The following ZFHX3 variants were observed in gnomAD, a reference collection of about 807,000 sequenced individuals.
ZFHX3 encodes zinc finger homeobox protein 3.
A neutral mutation model predicts 279.1 loss-of-function variants in ZFHX3; 42 were observed. The ratio of observed to expected loss-of-function variants is 0.15; its 90% confidence interval spans 0.12 to 0.19. The LOEUF (loss-of-function observed/expected upper bound fraction) is 0.19, where lower values mean the gene tolerates loss of function less well. ZFHX3 is among the 10% of genes least tolerant of loss of function. The pLI, the probability that ZFHX3 is intolerant of heterozygous loss-of-function variation, is 1.00. For missense variants in ZFHX3, 4,981 were observed against 4,754.0 expected, an observed-to-expected ratio of 1.05 and a Z score of -1.40; for synonymous variants, 2,293 against 1,957.8, an observed-to-expected ratio of 1.17 and a Z score of -4.52.
intron 3 of ZFHX3, among the ~76,000 whole-genome samples, chr16:72,918,559 C>T (rs2039501340): frequency 6.6e-6 from 1 of 152,040 alleles, no homozygotes; most frequent in Admixed American, 6.6e-5. Flanking sequence ...GTATCTCTAC[C>T]CCTGCAGGTA....
intron 7 of ZFHX3, among the ~76,000 whole-genome samples, chr16:72,801,132 C>T (rs772606863): frequency 6.6e-5 from 10 of 152,056 alleles, no homozygotes; most frequent in African/African-American, 1.4e-4. Context: ...GGGTAGGTGG[C>T]GATGATATTT....
intron 2 of ZFHX3, among the ~76,000 whole-genome samples, chr16:73,478,185 G>T (rs2018796373): frequency 6.8e-6 from 1 of 147,758 alleles, no homozygotes; most frequent in African/African-American, 2.5e-5. Context: ...AGAATGGCTT[G>T]AATCCAGGAG....
chr16:73,238,397 AC>A (rs1279019742), intron 5 of ZFHX3, among the ~76,000 whole-genome samples: 1 of 151,954 alleles, frequency 6.6e-6, no homozygotes, highest in Non-Finnish European at 1.5e-5. Context: ...AATTCAGGGC[AC>A]CCCAAATCAT....
intron 2 of ZFHX3, among the ~76,000 whole-genome samples, chr16:73,612,356 A>ATTT (rs2052256017): frequency 3.3e-5 from 5 of 152,220 alleles, no homozygotes; most frequent in Admixed American, 2.0e-4. Context: ...AACCCTTGAA[A>ATTT]AAAGGGTTTA....
intron 3 of ZFHX3, among the ~76,000 whole-genome samples, chr16:73,451,009 T>A (rs1284957563): frequency 6.6e-6 from 1 of 152,212 alleles, no homozygotes; most frequent in Non-Finnish European, 1.5e-5. Context: ...GACGGATCTT[T>A]AATACAGAAG....
At chr16:73,535,078 G>A (rs8048996) in intron 2 of ZFHX3, among the ~76,000 whole-genome samples, 4,449 of 152,078 alleles carry the variant, frequency 0.029, 221 homozygotes, top group African/African-American at 0.1. Flanking sequence ...AGTGTTAGCC[G>A]ATTTCCCTGG....
At chr16:73,747,851 C>A (rs150215732) in intron 1 of ZFHX3, among the ~76,000 whole-genome samples, 4 of 152,222 alleles carry the variant, frequency 2.6e-5, no homozygotes, top group African/African-American at 4.8e-5. Context: ...GATGTCAATA[C>A]CACGACCAGT....
At chr16:73,230,457 G>A (rs574789176) in intron 5 of ZFHX3, among the ~76,000 whole-genome samples, 15 of 152,304 alleles carry the variant, frequency 9.8e-5, no homozygotes, top group Admixed American at 3.3e-4. Context: ...ACATGAGTGT[G>A]CCATGATTAG....
chr16:73,250,803 G>T (rs993409408), intron 5 of ZFHX3, among the ~76,000 whole-genome samples: 3 of 152,122 alleles, frequency 2.0e-5, no homozygotes, highest in Admixed American at 6.5e-5. Flanking sequence ...CAAAGTGCTG[G>T]GATTACAAGT....
chr16:73,393,477 T>C (rs16971911), intron 3 of ZFHX3, among the ~76,000 whole-genome samples: 8,797 of 152,278 alleles, frequency 0.058, 589 homozygotes, highest in South Asian at 0.21. Flanking sequence ...CTAGTTCCTT[T>C]GAGATCAAAA....
chr16:73,060,330 A>T (rs891208520), upstream of ZFHX3: 4 of 151,938 alleles, frequency 2.6e-5, no homozygotes, highest in African/African-American at 9.7e-5. Context: ...AAAGACTAGG[A>T]GCGGTACATC....
intron 4 of ZFHX3, among the ~76,000 whole-genome samples, chr16:72,872,722 G>T (rs551366165): frequency 6.6e-6 from 1 of 152,318 alleles, no homozygotes; most frequent in South Asian, 2.1e-4. Context: ...GCCTCACAAA[G>T]TGCTCAGATT....
intron 2 of ZFHX3, among the ~76,000 whole-genome samples, chr16:73,509,274 AAAAT>A (rs1356785425): frequency 1.3e-5 from 2 of 152,128 alleles, no homozygotes; most frequent in Admixed American, 1.3e-4. Flanking sequence ...CTCTGTTTTG[AAAAT>A]GGCACCACCT....
At chr16:72,967,761 A>C (rs934635767) in intron 1 of ZFHX3, among the ~76,000 whole-genome samples, 3 of 122,974 alleles carry the variant, frequency 2.4e-5, no homozygotes, top group African/African-American at 8.1e-5. Context: ...CTAAAAATAC[A>C]AAAAAAAAAA....
chr16:72,955,668 C>T (rs960780009), intron 2 of ZFHX3, among the ~76,000 whole-genome samples: 58 of 149,506 alleles, frequency 3.9e-4, no homozygotes, highest in African/African-American at 1.4e-3. Context: ...ATCCCAGCTA[C>T]TTGGGAGGCT....
intron 4 of ZFHX3, among the ~76,000 whole-genome samples, chr16:73,282,124 AAC>A (rs1181447375): frequency 2.6e-5 from 4 of 152,238 alleles, no homozygotes; most frequent in Admixed American, 6.5e-5. Flanking sequence ...TTGCAAAGTT[AAC>A]ACAGTTTTCC....
chr16:73,312,277 C>T (rs1297018058), intron 4 of ZFHX3, among the ~76,000 whole-genome samples: 2 of 152,074 alleles, frequency 1.3e-5, no homozygotes, highest in Admixed American at 6.6e-5. Context: ...ATTTGGAGGG[C>T]TGTCATAAGG....
At chr16:73,076,375 G>A (rs1044017998) in intron 8 of ZFHX3, among the ~76,000 whole-genome samples, 2 of 152,126 alleles carry the variant, frequency 1.3e-5, no homozygotes, top group African/African-American at 4.8e-5. Flanking sequence ...ATAAAGATAC[G>A]TTATCAAGGA....
intron 4 of ZFHX3, among the ~76,000 whole-genome samples, chr16:73,295,733 T>TGAG (rs2014892881): frequency 6.6e-6 from 1 of 152,098 alleles, no homozygotes; most frequent in Admixed American, 6.5e-5. Context: ...AGGGGATGGA[T>TGAG]GAGAAGGCAG....
Sources: allele counts gnomAD v4.1 joint callset (sites outside exome capture counted in the v4.1 genomes callset), GRCh38; gene constraint gnomAD v4.1.1; transcripts MANE v1.5; gene names NCBI Gene and HGNC (gene_info 2026-07-23, HGNC 2026-07-21).